DNAH11: variants seen among roughly 807,000 people sequenced by gnomAD.
DNAH11 encodes the protein axonemal beta dynein heavy chain 11.
DNAH11 carries 442 observed loss-of-function variants against 526.0 expected under a neutral mutation model. That is an observed-to-expected ratio of 0.84 (90% confidence interval 0.78 to 0.91). DNAH11 has a LOEUF of 0.91. Ranked by LOEUF, DNAH11 falls within the 40% of genes least tolerant of loss-of-function variation. The probability of loss-of-function intolerance (pLI) is 0.00; values close to 1 mark genes in which losing one functional copy is unlikely to be tolerated. For synonymous variants in DNAH11, 2,461 were observed against 1,935.9 expected (o/e 1.27, Z -7.12); for missense variants, 6,989 against 5,448.7 (o/e 1.28, Z -8.90).
chr7:21,704,118 C>A (rs1460967061), intron 37 of DNAH11, among the ~76,000 whole-genome samples: 1 of 152,142 alleles, frequency 6.6e-6, no homozygotes, highest in Non-Finnish European at 1.5e-5. Flanking sequence ...AATTTAAATT[C>A]TGGAGTTTGA....
chr7:21,749,592 A>G (rs1180728049), intron 52 of DNAH11, 86 bp from the exon 53 acceptor site: 12 of 1,546,164 alleles, frequency 7.8e-6, no homozygotes, highest in African/African-American at 1.4e-5. Context: ...CGATACAGTT[A>G]CTGAGTTCTC....
At position 21,873,237 on chromosome 7, in the gene DNAH11, C is replaced by T. The variant is rs374438228; in HGVS notation, c.11968-37C>T. ...ATCTTATAATTCAAGTAATATGCCT[C>T]ACCTTCACAGGAATTATGCACCATG... On this transcript the variant is annotated intron_variant, in intron 73 of 81. Coordinates refer to ENST00000409508, the MANE Select transcript of DNAH11 (RefSeq NM_001277115.2). The T allele has an allele frequency of 3.4e-6, 5 of 1,464,434 alleles. No homozygotes were observed. The African/African-American group carries it at 5.6e-5, about 16-fold the overall frequency. The allele number at this position is 1,464,434 out of a possible 1,614,324, so 90.7% of individuals were successfully genotyped here.
At chr7:21,627,328 T>TAC (rs756983076) in intron 25 of DNAH11, among the ~76,000 whole-genome samples, 34 of 152,160 alleles carry the variant, frequency 2.2e-4, no homozygotes, top group Non-Finnish European at 4.4e-4. Flanking sequence ...TTTGAAGTCT[T>TAC]ACACACACAC....
intron 34 of DNAH11, among the ~76,000 whole-genome samples, chr7:21,689,323 G>A (rs1369679689): frequency 1.3e-5 from 2 of 152,188 alleles, no homozygotes; most frequent in South Asian, 2.1e-4. Flanking sequence ...GAAAATTGCC[G>A]AGAATACTCC....
At chr7:21,568,876 A>G (rs928177060) in intron 6 of DNAH11, among the ~76,000 whole-genome samples, 3 of 152,226 alleles carry the variant, frequency 2.0e-5, no homozygotes, top group Non-Finnish European at 4.4e-5. Context: ...AATACACCAT[A>G]TGCCACATCA....
At chr7:21,865,140 A>C (rs1054237027) in intron 70 of DNAH11, among the ~76,000 whole-genome samples, 1 of 152,150 alleles carries the variant, frequency 6.6e-6, no homozygotes, top group Admixed American at 6.5e-5. Flanking sequence ...TTAAACCTCA[A>C]TTATCAATCC....
intron 65 of DNAH11, among the ~76,000 whole-genome samples, chr7:21,823,314 C>T (rs2128003510): frequency 6.6e-6 from 1 of 152,172 alleles, no homozygotes; most frequent in East Asian, 1.9e-4. Context: ...GTTTCCCCAT[C>T]AATGTTTTGG....
rs1448243916 is a variant in DNAH11 at position 21,892,763 on chromosome 7, C to T, written c.12750+96C>T. The T allele has an allele frequency of 4.1e-5, 57 of 1,392,926 alleles. No homozygotes were observed. In the East Asian group the frequency reaches 1.4e-3, roughly 34 times the overall value. The allele number at this position is 1,392,926 out of a possible 1,614,324, so 86.3% of individuals were successfully genotyped here. A position where few individuals can be genotyped will look rare whatever the true frequency, so the allele number is the denominator to read the frequency against. On this transcript the variant is annotated intron_variant, in intron 77 of 81. Transcript: ENST00000409508. ...AATTGTGCAAATCAATAAGTTTTTA[C>T]CTAGGTTTTACTCATACAACCACCA...
At position 21,818,230 on chromosome 7, in the gene DNAH11, A is replaced by G. The variant is rs1789892787; in HGVS notation, c.10582A>G (p.Ile3528Val). 2 of 1,611,820 alleles carry G rather than the reference A, an allele frequency of 1.2e-6. No homozygotes were observed. Among genetic ancestry groups the G allele is most frequent in the African/African-American group, 1.3e-5 (1 of 74,972 alleles). ...CTGAATTTTAAGGTTTTTGAATGCC[A>G]TTGAAACTGCTTTGGCCTTTGGTGA... ...HLGQKGFLNA[I>V]ETALAFGDVI... is the part of the protein sequence containing the mutation. Residue 3528 changes from isoleucine (I) to valine (V), a missense_variant, in exon 65 of 82, where the codon ATT becomes GTT. Ile to Val is a conservative substitution (Grantham distance 29). Transcript: ENST00000409508.
chr7:21,672,651 C>A (rs1782689646), intron 30 of DNAH11, among the ~76,000 whole-genome samples: 4 of 152,198 alleles, frequency 2.6e-5, no homozygotes. Flanking sequence ...GCTTGGGTGT[C>A]CCCATATTGG....
At chr7:21,680,576 A>T (rs1783098185) in intron 30 of DNAH11, among the ~76,000 whole-genome samples, 1 of 152,222 alleles carries the variant, frequency 6.6e-6, no homozygotes, top group African/African-American at 2.4e-5. Flanking sequence ...AAACAGCATG[A>T]AACAATACAT....
chr7:21,745,377 C>T (rs947285903), intron 51 of DNAH11, among the ~76,000 whole-genome samples: 1 of 152,170 alleles, frequency 6.6e-6, no homozygotes, highest in Non-Finnish European at 1.5e-5. Context: ...ATTGATTAAG[C>T]AGGTTTTGTT....
chr7:21,880,770 C>T lies in DNAH11; in HGVS notation c.12264C>T (p.His4088=), dbSNP rs368428210. The T allele has an allele frequency of 2.1e-5, 34 of 1,614,008 alleles. 1 individual carries two copies. Among genetic ancestry groups the T allele is most frequent in the East Asian group, 8.9e-5 (4 of 44,882 alleles). ...TCCTTTTTTCTCTCTGCTACTTCCACGCCTGTGTTGCTGGGAGACTGAGGT... is the reference window on the plus strand; with the variant it reads ...TCCTTTTTTCTCTCTGCTACTTCCATGCCTGTGTTGCTGGGAGACTGAGGT... ...KSILFSLCYF[H]ACVAGRLRFG... Residue 4088 remains histidine (H), a synonymous_variant, in exon 75 of 82, where the codon CAC becomes CAT. Coordinates refer to ENST00000409508, the MANE Select transcript of DNAH11 (RefSeq NM_001277115.2).
chr7:21,666,991 A>T (rs1782445603), intron 30 of DNAH11, among the ~76,000 whole-genome samples: 1 of 152,164 alleles, frequency 6.6e-6, no homozygotes, highest in African/African-American at 2.4e-5. Flanking sequence ...TAGCTGACTA[A>T]GAACAGAGAA....
chr7:21,857,029 T>G (rs1395096892), intron 68 of DNAH11, among the ~76,000 whole-genome samples: 1 of 152,096 alleles, frequency 6.6e-6, no homozygotes, highest in Non-Finnish European at 1.5e-5. Context: ...GAAGAAAAAC[T>G]GTGTTTTTTC....
At chr7:21,613,934 A>ATTTTTTTTT (rs575437991) in intron 20 of DNAH11, among the ~76,000 whole-genome samples, 1 of 142,800 alleles carries the variant, frequency 7.0e-6, no homozygotes, top group Non-Finnish European at 1.5e-5. Flanking sequence ...TGCCCAGCTA[A>ATTTTTTTTT]TTTTTTTTTT....
At position 21,616,191 on chromosome 7, in the gene DNAH11, C is replaced by T; in HGVS notation, c.4012-18C>T. 5.6e-6 allele frequency: 9 copies of T among 1,606,442 alleles called. No homozygotes were observed. The highest frequency in any genetic ancestry group is 6.8e-6 in the Non-Finnish European group (8 of 1,173,722). On this transcript the variant is annotated intron_variant, in intron 21 of 81. Transcript: ENST00000409508. ...CACCAAATGTTGTTGACACTTTTAT[C>T]TGCTTTTGCGTTTTCAGAGAAGCAT...
rs747944642 is a variant in DNAH11, at chr7:21,564,368, C to G, written c.1165C>G (p.Gln389Glu). ...CCCAGCTCGGGTTATAGTTTTATTG[C>G]AAGAGTTTTGTAATCTCTTCATTAA... is the stretch of plus-strand genomic sequence containing the variant. ...NTPARVIVLL[Q>E]EFCNLFINQA... Residue 389 changes from glutamine to glutamate, a missense_variant, in exon 6 of 82, where the codon CAA (glutamine) becomes GAA (glutamate). Gln to Glu is a conservative substitution (Grantham distance 29). Coordinates refer to ENST00000409508, the MANE Select transcript of DNAH11 (RefSeq NM_001277115.2). 4 of 1,612,886 alleles carry G rather than the reference C, an allele frequency of 2.5e-6. No individual in the cohort carries two copies. The highest frequency in any genetic ancestry group is 2.2e-5 in the East Asian group (1 of 44,856).
intron 42 of DNAH11, among the ~76,000 whole-genome samples, chr7:21,716,984 C>G (rs952855695): frequency 6.6e-6 from 1 of 151,790 alleles, no homozygotes; most frequent in African/African-American, 2.4e-5. Flanking sequence ...TGTGGTCATA[C>G]TCCTTCTCTG....
Sources: gnomAD v4.1 joint callset for allele counts (sites outside exome capture counted in the v4.1 genomes callset) on GRCh38, gnomAD v4.1.1 for gene constraint, MANE v1.5 for transcripts, NCBI Gene and HGNC (gene_info 2026-07-23, HGNC 2026-07-21) for gene names.